Variants in WDR11 observed in about 807,000 individuals in gnomAD.
WDR11 encodes WD repeat-containing protein 11.
A neutral mutation model predicts 151.2 loss-of-function variants in WDR11; 83 were observed. The ratio of observed to expected loss-of-function variants is 0.55; its 90% CI spans 0.46 to 0.66. The LOEUF (loss-of-function observed/expected upper bound fraction) is 0.66. WDR11 is among the 30% of genes least tolerant of loss of function. The pLI is 0.00. For missense variants in WDR11, 1,301 were observed against 1,480.9 expected (o/e 0.88, Z 1.99); for synonymous variants, 484 against 533.1 (o/e 0.91, Z 1.27).
At chr10:120,904,884 T>C (rs1847974703) in intron 25 of WDR11, 73 bp downstream of exon 25, 8 of 1,538,940 alleles carry the variant, frequency 5.2e-6, no homozygotes, top group Non-Finnish European at 7.2e-6. Context: ...ATCTGATTAG[T>C]AGGGACATTT....
rs755401764 is a variant in WDR11, at chr10:120,889,964, A to C, written c.2298A>C (p.Leu766Phe). Residue 766 changes from leucine to phenylalanine, a missense_variant, in exon 18 of 29, where the codon TTA (leucine) becomes TTC (phenylalanine). By Grantham distance (22) the Leu-to-Phe change is conservative. Coordinates refer to ENST00000263461, the MANE Select transcript of WDR11 (RefSeq NM_018117.12). ...RFAPGKGNQK[L>F]IAMYNDGAEV... ...CTCCTGGTAAAGGAAATCAAAAATT[A>C]ATAGCAATGTACAATGATGGAGCTG... 1 of 1,614,128 alleles carries C rather than the reference A, an allele frequency of 6.2e-7. No individual in the cohort carries two copies. Among genetic ancestry groups the C allele is most frequent in the Non-Finnish European group, 8.5e-7 (1 of 1,179,964 alleles).
chr10:120,857,996 C>T (rs1162959808), intron 2 of WDR11, among the ~76,000 whole-genome samples: 1 of 152,130 alleles, frequency 6.6e-6, no homozygotes, highest in East Asian at 1.9e-4. Flanking sequence ...AGGCCTGACT[C>T]CTAGTGAGGA....
chr10:120,873,765 T>G, intron 10 of WDR11, 74 bp from the exon 11 acceptor site: 3 of 1,016,832 alleles, frequency 3.0e-6, no homozygotes, highest in South Asian at 1.3e-5. Context: ...ATTAAAGTCT[T>G]GAGAAAAGAC....
At chr10:120,891,074 C>T (rs1270751112) in intron 19 of WDR11, among the ~76,000 whole-genome samples, 187 bp downstream of exon 19, 1 of 152,144 alleles carries the variant, frequency 6.6e-6, no homozygotes, top group Non-Finnish European at 1.5e-5. Flanking sequence ...ATCTTTGTAA[C>T]TATAGATGTC....
At chr10:120,876,090 T>A (rs1476772304) in intron 11 of WDR11, among the ~76,000 whole-genome samples, 1 of 150,292 alleles carries the variant, frequency 6.7e-6, no homozygotes, top group African/African-American at 2.4e-5. Context: ...GCAATTCTCC[T>A]GCCTCATCCT....
At chr10:120,887,664 T>A (rs1432384049) in intron 16 of WDR11, among the ~76,000 whole-genome samples, 5 of 152,166 alleles carry the variant, frequency 3.3e-5, no homozygotes, top group African/African-American at 1.2e-4. Flanking sequence ...CACAGGCTAT[T>A]GCACATTAAT....
intron 2 of WDR11, among the ~76,000 whole-genome samples, chr10:120,853,596 T>G (rs1210952986): frequency 6.6e-6 from 1 of 152,144 alleles, no homozygotes; most frequent in Non-Finnish European, 1.5e-5. Flanking sequence ...GAGATTGATG[T>G]GACCATATTC....
intron 13 of WDR11, among the ~76,000 whole-genome samples, chr10:120,882,712 C>G (rs1220462646): frequency 1.3e-5 from 2 of 151,924 alleles, no homozygotes; most frequent in Non-Finnish European, 2.9e-5. Context: ...CTTTCCCACT[C>G]CTAATATCAG....
intron 26 of WDR11, 44 bp downstream of exon 26, chr10:120,905,460 TA>T (rs1313285424): frequency 6.3e-7 from 1 of 1,598,714 alleles, no homozygotes; most frequent in African/African-American, 1.3e-5. Flanking sequence ...ACATTCGGGA[TA>T]GAAAGCTCAG....
intron 4 of WDR11, among the ~76,000 whole-genome samples, chr10:120,861,814 G>A (rs1387926403): frequency 6.6e-6 from 1 of 152,106 alleles, no homozygotes; most frequent in African/African-American, 2.4e-5. Context: ...GTCATAAAAA[G>A]GCATAATTTG....
chr10:120,893,076 C>T (rs1184482037), intron 19 of WDR11, among the ~76,000 whole-genome samples: 3 of 151,292 alleles, frequency 2.0e-5, no homozygotes, highest in African/African-American at 7.3e-5. Flanking sequence ...AGGTTTGTTA[C>T]ATATGTATAC....
At chr10:120,876,388 T>C (rs529435130) in intron 11 of WDR11, among the ~76,000 whole-genome samples, 2 of 152,318 alleles carry the variant, frequency 1.3e-5, no homozygotes, top group Non-Finnish European at 2.9e-5. Context: ...CCCAGGTGAC[T>C]GTTTATTGCC....
At chr10:120,874,944 T>C (rs532469677) in intron 11 of WDR11, among the ~76,000 whole-genome samples, 1 of 152,174 alleles carries the variant, frequency 6.6e-6, no homozygotes, top group East Asian at 1.9e-4. Flanking sequence ...TAGGTATTTC[T>C]CCTAATGCTC....
At chr10:120,900,936 A>G (rs374986212) in intron 20 of WDR11, 100 bp from the exon 21 acceptor site, 18 of 851,872 alleles carry the variant, frequency 2.1e-5, no homozygotes, top group East Asian at 9.9e-5. Context: ...AAGAACTACG[A>G]AGAAGGTTAT....
intron 4 of WDR11, 53 bp from the exon 5 acceptor site, chr10:120,862,682 T>C: frequency 6.4e-7 from 1 of 1,563,942 alleles, no homozygotes; most frequent in Non-Finnish European, 8.8e-7. Flanking sequence ...GGAATAAAAC[T>C]GTATGCTAAA....
rs1339180267 is a variant in WDR11, at chr10:120,904,122, C to A, written c.3007C>A (p.Gln1003Lys). Reference protein sequence around the residue: ...TYDHTRKCTDQLLLLGQTDRA... With the variant: ...TYDHTRKCTDKLLLLGQTDRA... The stretch of plus-strand genomic sequence containing the variant: ...TGATCATACAAGGAAATGTACAGAC[C>A]AGCTACTGCTCTTGGGTCAAGTATG... The change falls in exon 24 of 29, where the codon CAG becomes AAG. Residue 1003 changes from glutamine (Q) to lysine (K), a missense_variant. By Grantham distance (53) the Gln-to-Lys change is moderately conservative (BLOSUM62 1). Transcript: ENST00000263461. 6.2e-7 allele frequency: 1 copy of A among 1,612,972 alleles called. No homozygotes were observed. Among genetic ancestry groups the A allele is most frequent in the Admixed American group, 1.7e-5 (1 of 60,006 alleles).
chr10:120,882,908 TAATTG>T lies in WDR11; in HGVS notation c.1740-867_1740-863del, dbSNP rs529386270. Among the ~76,000 whole-genome samples, 132 of 152,292 alleles carry T rather than the reference TAATTG, an allele frequency of 8.7e-4. 2 individuals carry two copies. In the East Asian group the frequency reaches 0.024, roughly 28 times the overall value. ...TAGTTTTCTAAAATAGAAACTTAGA[TAATTG>T]AATTAAGTTGATTCTCTAAAATGTA... On this transcript the variant is annotated intron_variant, in intron 13 of 28. Transcript: ENST00000263461.
rs965541847 is a variant in WDR11 at position 120,871,287 on chromosome 10, G to A, written c.1412G>A (p.Arg471His). Residue 471 changes from arginine (R) to histidine (H), a missense_variant, in exon 10 of 29, where the codon CGT becomes CAT. This residue lies in a region of WDR11 where 692 missense variants were observed against 762.5 expected (regional missense o/e 0.91). Coordinates refer to ENST00000263461, the MANE Select transcript of WDR11 (RefSeq NM_018117.12). The part of the protein sequence containing the change: ...SGLPAPQFAI[R>H]MCPPLTTKNI... Reference sequence around the variant, plus strand: ...CTGCCCGCACCACAGTTTGCTATTCGTATGTGTCCACCGTTGACCACAAAA... The same window carrying A: ...CTGCCCGCACCACAGTTTGCTATTCATATGTGTCCACCGTTGACCACAAAA... 6.2e-6 allele frequency: 10 copies of A among 1,614,018 alleles called. No homozygotes were observed. Among genetic ancestry groups the A allele is most frequent in the Admixed American group, 1.7e-5 (1 of 60,010 alleles).
intron 16 of WDR11, among the ~76,000 whole-genome samples, chr10:120,888,792 T>C (rs1564713341): frequency 6.6e-6 from 1 of 151,918 alleles, no homozygotes; most frequent in Non-Finnish European, 1.5e-5. Flanking sequence ...TACTTTAATT[T>C]CCCCCTTTTT....
Sources: allele counts gnomAD v4.1 joint callset (sites outside exome capture counted in the v4.1 genomes callset), GRCh38; gene constraint gnomAD v4.1.1; regional missense constraint gnomAD v4.1.1; transcripts MANE v1.5; gene names NCBI Gene and HGNC (gene_info 2026-07-23, HGNC 2026-07-21).